ABCA13: variants seen among roughly 807,000 people sequenced by gnomAD.
The protein encoded by ABCA13 is ATP binding cassette subfamily A member 13.
ABCA13 carries 476 observed loss-of-function variants against 478.7 expected under a neutral mutation model. The observed-to-expected ratio is 0.99, with a 90% confidence interval of 0.92 to 1.07. The LOEUF (loss-of-function observed/expected upper bound fraction) is 1.07. Ranked by LOEUF, ABCA13 falls within the 50% of genes least tolerant of loss-of-function variation. The probability of loss-of-function intolerance (pLI) is 0.00; values close to 1 mark genes in which losing one functional copy is unlikely to be tolerated. For synonymous variants in ABCA13, 2,252 were observed against 2,158.9 expected, an observed-to-expected ratio of 1.04 and a Z score of -1.20; for missense variants, 6,060 against 5,910.6, an observed-to-expected ratio of 1.03 and a Z score of -0.83.
chr7:48,190,581 C>T (rs1796966693), intron 1 of ABCA13, among the ~76,000 whole-genome samples: 1 of 152,132 alleles, frequency 6.6e-6, no homozygotes, highest in Non-Finnish European at 1.5e-5. Flanking sequence ...AAATGCTTCT[C>T]TTCTAAGTAA....
chr7:48,572,110 G>T (rs763319676), intron 55 of ABCA13, among the ~76,000 whole-genome samples: 10 of 152,156 alleles, frequency 6.6e-5, no homozygotes, highest in African/African-American at 2.4e-4. Flanking sequence ...AATCCTGGAG[G>T]CAGAATTTGC....
In ABCA13 at chr7:48,483,099, T is replaced by C. The variant is rs1483987228; in HGVS notation, c.13118T>C (p.Leu4373Ser). The C allele has an allele frequency of 6.2e-7, 1 of 1,613,016 alleles. No homozygotes were observed. Among genetic ancestry groups the C allele is most frequent in the East Asian group, 2.2e-5 (1 of 44,882 alleles). The change falls in exon 47 of 62, where the codon TTA (leucine) becomes TCA (serine). Residue 4373 changes from leucine (L) to serine (S), a missense_variant. Transcript: ENST00000435803. Reference protein sequence around the residue: ...KPRLGGWSFGLKIPSEAGGAN... With the variant: ...KPRLGGWSFGSKIPSEAGGAN... ...AGGCTTGGAGGTTGGTCTTTTGGATTAAAAATCCCCAGTGAAGCTGGAGGT... is the reference window on the plus strand; with the variant it reads ...AGGCTTGGAGGTTGGTCTTTTGGATCAAAAATCCCCAGTGAAGCTGGAGGT...
chr7:48,292,232 C>T (rs1373973721), intron 20 of ABCA13, among the ~76,000 whole-genome samples: 1 of 152,130 alleles, frequency 6.6e-6, no homozygotes, highest in African/African-American at 2.4e-5. Context: ...TTTTCCCACC[C>T]CTGGTGTTCT....
In ABCA13 at chr7:48,372,461, A is replaced by C. The variant is rs2129027986; in HGVS notation, c.11097A>C (p.Leu3699=). The change falls in exon 33 of 62, where the codon CTA becomes CTC. Residue 3699 remains leucine, a synonymous_variant. Transcript: ENST00000435803. ...TGCCCTACATAGTTCTATTGGTTCT[A>C]CATAACCAATTAAGTTTTGTTAATC... is the stretch of plus-strand genomic sequence containing the variant. ...SFLPYIVLLV[L]HNQLSFVNQT... The C allele has an allele frequency of 6.3e-7, 1 of 1,593,786 alleles. No homozygotes were observed. Among genetic ancestry groups the C allele is most frequent in the East Asian group, 2.3e-5 (1 of 44,410 alleles).
At chr7:48,631,715 G>A (rs1794181299) in intron 59 of ABCA13, among the ~76,000 whole-genome samples, 1 of 151,724 alleles carries the variant, frequency 6.6e-6, no homozygotes. Context: ...TAATGATATT[G>A]GAATTTTGAT....
At chr7:48,292,638 C>T (rs977105790) in intron 20 of ABCA13, among the ~76,000 whole-genome samples, 7 of 152,192 alleles carry the variant, frequency 4.6e-5, no homozygotes, top group Admixed American at 2.0e-4. Context: ...TCCTTTGCAC[C>T]CACCTCAGGG....
intron 35 of ABCA13, among the ~76,000 whole-genome samples, chr7:48,377,870 A>G (rs527738763): frequency 1.6e-3 from 243 of 152,326 alleles, no homozygotes; most frequent in Non-Finnish European, 2.7e-3. Flanking sequence ...TACAAAATAC[A>G]TTTGTGATGT....
At chr7:48,295,646 A>G in intron 20 of ABCA13, 54 bp from the exon 21 acceptor site, 1 of 1,603,662 alleles carries the variant, frequency 6.2e-7, no homozygotes, top group South Asian at 1.1e-5. Context: ...ATAAATCAAA[A>G]TCTTACAGAT....
chr7:48,352,114 G>A (rs1162181397), intron 30 of ABCA13, 67 bp from the exon 31 acceptor site: 1 of 1,481,238 alleles, frequency 6.8e-7, no homozygotes, highest in African/African-American at 1.4e-5. Context: ...GTCTCACCCA[G>A]TGTAGGCGTG....
At chr7:48,365,741 A>C (rs1463590058) in intron 31 of ABCA13, among the ~76,000 whole-genome samples, 2 of 152,116 alleles carry the variant, frequency 1.3e-5, no homozygotes, top group African/African-American at 4.8e-5. Context: ...GTGTGGGTTT[A>C]TATTTGTGTT....
chr7:48,189,988 A>AT (rs1207132391), intron 1 of ABCA13, among the ~76,000 whole-genome samples: 1 of 152,216 alleles, frequency 6.6e-6, no homozygotes, highest in African/African-American at 2.4e-5. Flanking sequence ...TATGCAAGGA[A>AT]TTATTATATG....
intron 3 of ABCA13, among the ~76,000 whole-genome samples, chr7:48,216,250 A>T (rs1182046728): frequency 6.6e-6 from 1 of 152,114 alleles, no homozygotes; most frequent in Non-Finnish European, 1.5e-5. Flanking sequence ...ATTCTCACCA[A>T]TACTTATATT....
chr7:48,314,554 G>A (rs1376990985), intron 26 of ABCA13, 145 bp downstream of exon 26: 2 of 760,134 alleles, frequency 2.6e-6, no homozygotes, highest in African/African-American at 3.6e-5. Flanking sequence ...CCAAATGCTG[G>A]CATGGCAGCT....
At chr7:48,478,572 G>T (rs543558157) in intron 45 of ABCA13, among the ~76,000 whole-genome samples, 132 of 152,160 alleles carry the variant, frequency 8.7e-4, no homozygotes, top group Non-Finnish European at 1.5e-3. Context: ...AAAAGAATAG[G>T]GCTTTGGATC....
chr7:48,490,376 T>G (rs1005470420), intron 48 of ABCA13, among the ~76,000 whole-genome samples: 10 of 152,246 alleles, frequency 6.6e-5, no homozygotes, highest in African/African-American at 2.4e-4. Context: ...ATTTGCCTAC[T>G]TTACTGATTA....
At chr7:48,594,503 G>A (rs541211348) in intron 57 of ABCA13, among the ~76,000 whole-genome samples, 36 of 152,172 alleles carry the variant, frequency 2.4e-4, no homozygotes, top group Middle Eastern at 6.8e-3. Context: ...CATGGCTGGA[G>A]GAGTCAGGCC....
chr7:48,543,597 C>T (rs555800651), intron 55 of ABCA13, among the ~76,000 whole-genome samples: 1 of 151,500 alleles, frequency 6.6e-6, no homozygotes, highest in African/African-American at 2.4e-5. Flanking sequence ...GCACTCCAGC[C>T]TGGGCAACAG....
intron 44 of ABCA13, 45 bp from the exon 45 acceptor site, chr7:48,471,485 T>C: frequency 6.7e-7 from 1 of 1,492,678 alleles, no homozygotes; most frequent in Non-Finnish European, 9.1e-7. Context: ...TACAATGGCT[T>C]TGTAAATCTA....
At chr7:48,566,414 A>G (rs1787068540) in intron 55 of ABCA13, among the ~76,000 whole-genome samples, 1 of 152,206 alleles carries the variant, frequency 6.6e-6, no homozygotes, top group Non-Finnish European at 1.5e-5. Flanking sequence ...CTGAAATGCA[A>G]GTGCATGGAA....
Sources: gnomAD v4.1 joint callset for allele counts (sites outside exome capture counted in the v4.1 genomes callset) on GRCh38, gnomAD v4.1.1 for gene constraint, MANE v1.5 for transcripts, NCBI Gene and HGNC (gene_info 2026-07-23, HGNC 2026-07-21) for gene names.